The following LEPR variants were observed in gnomAD, a reference collection of about 807,000 sequenced individuals.
The protein encoded by LEPR is OB receptor.
In LEPR, 56 loss-of-function variants were observed where a neutral mutation model predicts 114.7. The ratio of observed to expected loss-of-function variants is 0.49; its 90% CI spans 0.39 to 0.61. The LOEUF (loss-of-function observed/expected upper bound fraction) is 0.61. Ranked by LOEUF, LEPR falls within the 20% of genes least tolerant of loss-of-function variation. The probability of loss-of-function intolerance (pLI) is 0.00; values close to 1 mark genes in which losing one functional copy is unlikely to be tolerated. For missense variants in LEPR, 1,202 were observed against 1,352.9 expected (o/e 0.89, Z 1.75); for synonymous variants, 443 against 461.4 (o/e 0.96, Z 0.51).
chr1:65,453,612 C>A (rs988315352), intron 2 of LEPR, among the ~76,000 whole-genome samples: 23 of 152,032 alleles, frequency 1.5e-4, no homozygotes, highest in African/African-American at 1.9e-4. Context: ...CTTAATCCTG[C>A]GTTCTAGTTT....
chr1:65,623,176 C>G (rs1047995369), intron 19 of LEPR, 195 bp downstream of exon 19: 3 of 593,068 alleles, frequency 5.1e-6, no homozygotes, highest in Non-Finnish European at 8.7e-6. Context: ...CAAATTTCAG[C>G]GCATAGTTTA....
At chr1:65,502,460 C>T (rs190988961) in intron 2 of LEPR, among the ~76,000 whole-genome samples, 303 of 151,638 alleles carry the variant, frequency 2.0e-3, no homozygotes, top group Non-Finnish European at 3.2e-3. Flanking sequence ...GCTTAGCAAA[C>T]GAATACAGCA....
intron 2 of LEPR, among the ~76,000 whole-genome samples, chr1:65,549,845 G>T (rs1201992623): frequency 6.6e-6 from 1 of 152,186 alleles, no homozygotes; most frequent in Admixed American, 6.5e-5. Context: ...GCTTTGTTCT[G>T]TTGCTGGTGA....
rs918397845 is a variant in LEPR at position 65,468,294 on chromosome 1, T to G, written c.-21+42916T>G. ...GAAAGAGGATATTTGGTTAGGAAAC[T>G]CTGAACAACTAAAGAAATCTGAGTA... On this transcript the variant is annotated intron_variant, in intron 2 of 19. Transcript: ENST00000349533. Among the ~76,000 whole-genome samples the G allele has an allele frequency of 4.6e-5, 7 of 152,300 alleles. 1 individual carries two copies. Among genetic ancestry groups the G allele is most frequent in the Non-Finnish European group, 1.0e-4 (7 of 68,026 alleles).
intron 10 of LEPR, among the ~76,000 whole-genome samples, chr1:65,604,462 A>T (rs529138478): frequency 1.3e-5 from 2 of 152,200 alleles, no homozygotes; most frequent in South Asian, 4.1e-4. Context: ...CTCCTGCCTC[A>T]GCCTCCCTAG....
intron 2 of LEPR, chr1:65,432,455 C>T (rs11558301): frequency 1.6e-6 from 1 of 628,896 alleles, no homozygotes; most frequent in Non-Finnish European, 2.0e-6. Flanking sequence ...GTTGTATGCA[C>T]ATGAAAGTTT....
chr1:65,574,822 A>G (rs2100823758), intron 5 of LEPR, among the ~76,000 whole-genome samples: 1 of 152,352 alleles, frequency 6.6e-6, no homozygotes, highest in Middle Eastern at 3.4e-3. Context: ...GGTCAGATAT[A>G]GCAGGAAGAT....
chr1:65,513,683 A>G (rs1649145938), intron 2 of LEPR, among the ~76,000 whole-genome samples: 1 of 152,194 alleles, frequency 6.6e-6, no homozygotes, highest in African/African-American at 2.4e-5. Context: ...ATTGTCAGAA[A>G]TGTTGGCCAA....
chr1:65,556,746 G>T (rs753229086), intron 2 of LEPR, among the ~76,000 whole-genome samples: 1 of 152,146 alleles, frequency 6.6e-6, no homozygotes, highest in Non-Finnish European at 1.5e-5. Context: ...GCCAGGGCAG[G>T]CTCCTTTAGA....
intron 2 of LEPR, among the ~76,000 whole-genome samples, chr1:65,468,231 T>G (rs1265798141): frequency 6.6e-6 from 1 of 152,192 alleles, no homozygotes; most frequent in East Asian, 1.9e-4. Context: ...ACATGCTGAC[T>G]CAATGTAATG....
chr1:65,465,199 T>C (rs1282810820), intron 2 of LEPR, among the ~76,000 whole-genome samples: 4 of 152,332 alleles, frequency 2.6e-5, no homozygotes, highest in South Asian at 2.1e-4. Flanking sequence ...GCTTTAAAAG[T>C]GTCCCAGAGA....
intron 1 of LEPR, among the ~76,000 whole-genome samples, chr1:65,423,678 A>T (rs1343384007): frequency 6.6e-6 from 1 of 152,234 alleles, no homozygotes. Flanking sequence ...GTATACTTTC[A>T]GATGTTTTTT....
intron 2 of LEPR, among the ~76,000 whole-genome samples, chr1:65,525,001 G>A (rs1444536903): frequency 1.3e-5 from 2 of 152,110 alleles, no homozygotes; most frequent in Non-Finnish European, 2.9e-5. Context: ...ATTTTGCTAC[G>A]TCAAACATCA....
chr1:65,471,004 C>T (rs1570513727), intron 2 of LEPR, among the ~76,000 whole-genome samples: 2 of 152,202 alleles, frequency 1.3e-5, no homozygotes, highest in Non-Finnish European at 2.9e-5. Flanking sequence ...GGCAGTTTCC[C>T]TGGAAGAGCT....
At chr1:65,518,873 T>TTCTTTA (rs763024512) in intron 2 of LEPR, among the ~76,000 whole-genome samples, 1 of 117,216 alleles carries the variant, frequency 8.5e-6, no homozygotes, top group African/African-American at 3.4e-5. Context: ...CTTTCTTTCT[T>TTCTTTA]TTTCTTTCTT....
At chr1:65,533,089 G>A (rs890080989) in intron 2 of LEPR, among the ~76,000 whole-genome samples, 4 of 152,024 alleles carry the variant, frequency 2.6e-5, no homozygotes, top group Admixed American at 2.6e-4. Flanking sequence ...TTTTAGAAAT[G>A]CATCATTTAA....
intron 2 of LEPR, among the ~76,000 whole-genome samples, chr1:65,477,049 A>G (rs1340360571): frequency 6.6e-6 from 1 of 152,150 alleles, no homozygotes; most frequent in African/African-American, 2.4e-5. Context: ...AGATAACCAC[A>G]AATTGCACTT....
intron 19 of LEPR, chr1:65,635,084 C>A: frequency 1.1e-6 from 1 of 898,720 alleles, no homozygotes; most frequent in East Asian, 1.2e-4. Context: ...TAAAACTATG[C>A]TAAATAAATT....
intron 2 of LEPR, among the ~76,000 whole-genome samples, chr1:65,476,453 A>G (rs1046742395): frequency 2.6e-5 from 4 of 152,186 alleles, no homozygotes; most frequent in African/African-American, 9.7e-5. Flanking sequence ...TTGTGGTCCA[A>G]TAGCTCAGTA....
Sources: allele counts gnomAD v4.1 joint callset (sites outside exome capture counted in the v4.1 genomes callset), GRCh38; gene constraint gnomAD v4.1.1; transcripts MANE v1.5; gene names NCBI Gene and HGNC (gene_info 2026-07-23, HGNC 2026-07-21).